SLC38A11: variants seen among roughly 807,000 people sequenced by gnomAD.
The protein encoded by SLC38A11 is solute carrier family 38 member 11.
SLC38A11 carries 51 observed loss-of-function variants against 49.4 expected under a neutral mutation model. The ratio of observed to expected loss-of-function variants is 1.03; its 90% CI spans 0.83 to 1.30. The LOEUF is 1.30. Among genes scored for constraint, SLC38A11 ranks in the 50% most tolerant of loss-of-function variants. The pLI, the probability that SLC38A11 is intolerant of heterozygous loss-of-function variation, is 0.00. For missense variants in SLC38A11, 574 were observed against 556.2 expected (o/e 1.03, Z -0.32); for synonymous variants, 203 against 192.9 (o/e 1.05, Z -0.43).
At chr2:164,911,011 C>A (rs1156763519) in intron 10 of SLC38A11, among the ~76,000 whole-genome samples, 1 of 151,356 alleles carries the variant, frequency 6.6e-6, no homozygotes, top group Non-Finnish European at 1.5e-5. Context: ...AAATAATATC[C>A]TATATATTTG....
At chr2:164,937,225 T>C in intron 7 of SLC38A11, 125 bp downstream of exon 7, 1 of 676,464 alleles carries the variant, frequency 1.5e-6, no homozygotes, top group Non-Finnish European at 2.5e-6. Context: ...CCTCATTTTG[T>C]CAAATACCAA....
In SLC38A11 at chr2:164,946,293, C is replaced by T. The variant is rs61510351; in HGVS notation, c.230-566G>A. Reference sequence around the variant, plus strand: ...TGTTGAAATTTACATTTTTGGCCGGCGCAGTGGCTCACGCTTGTAATCCCA... The same window carrying T: ...TGTTGAAATTTACATTTTTGGCCGGTGCAGTGGCTCACGCTTGTAATCCCA... On this transcript the variant is annotated intron_variant, in intron 3 of 11. Transcript: ENST00000685975. Among the ~76,000 whole-genome samples, 717 of 152,110 alleles carry T rather than the reference C, an allele frequency of 4.7e-3. 8 individuals are homozygous for T. The highest frequency in any genetic ancestry group is 0.016 in the African/African-American group (665 of 41,492).
chr2:164,932,454 T>C (rs1270023631), intron 7 of SLC38A11, among the ~76,000 whole-genome samples: 1 of 151,612 alleles, frequency 6.6e-6, no homozygotes, highest in Admixed American at 6.6e-5. Flanking sequence ...TAAAAACATG[T>C]AAATGGTCAC....
chr2:164,917,091 T>A (rs1038901311), intron 7 of SLC38A11, among the ~76,000 whole-genome samples: 2 of 152,100 alleles, frequency 1.3e-5, no homozygotes, highest in African/African-American at 4.8e-5. Context: ...GCATTATTAA[T>A]AAAGGCAGCA....
At chr2:164,920,329 G>T (rs1160511902) in intron 7 of SLC38A11, among the ~76,000 whole-genome samples, 1 of 150,786 alleles carries the variant, frequency 6.6e-6, no homozygotes, top group Non-Finnish European at 1.5e-5. Flanking sequence ...CTTTCCTAAG[G>T]CAGAAAATAT....
chr2:164,922,751 A>T (rs1295126349), intron 7 of SLC38A11, among the ~76,000 whole-genome samples: 1 of 152,216 alleles, frequency 6.6e-6, no homozygotes, highest in African/African-American at 2.4e-5. Flanking sequence ...GGAATGAGAA[A>T]AGCCCCATTA....
At chr2:164,916,680 C>T (rs1051670273) in intron 7 of SLC38A11, among the ~76,000 whole-genome samples, 1 of 152,052 alleles carries the variant, frequency 6.6e-6, no homozygotes, top group South Asian at 2.1e-4. Context: ...CTCAAATTCC[C>T]AACTGTAGAT....
chr2:164,931,806 A>G (rs1342243868), intron 7 of SLC38A11, among the ~76,000 whole-genome samples: 1 of 152,234 alleles, frequency 6.6e-6, no homozygotes, highest in Non-Finnish European at 1.5e-5. Context: ...GTAAAACTCA[A>G]AACTATAAAA....
chr2:164,946,584 A>T (rs1688126199), intron 3 of SLC38A11, among the ~76,000 whole-genome samples: 1 of 150,850 alleles, frequency 6.6e-6, no homozygotes, highest in Non-Finnish European at 1.5e-5. Context: ...AAAAAAAAAA[A>T]ATTTGCATTT....
chr2:164,898,807 A>C, intron 11 of SLC38A11, 77 bp from the exon 12 acceptor site: 1 of 1,432,422 alleles, frequency 7.0e-7, no homozygotes, highest in Non-Finnish European at 9.5e-7. Flanking sequence ...AAGCATTTAC[A>C]AAATGTGTTT....
At chr2:164,900,981 A>G (rs1684615054) in intron 11 of SLC38A11, among the ~76,000 whole-genome samples, 1 of 152,060 alleles carries the variant, frequency 6.6e-6, no homozygotes, top group African/African-American at 2.4e-5. Context: ...ATTTTTGTGT[A>G]TGGTGTAAGA....
chr2:164,898,585 A>G lies in SLC38A11; in HGVS notation c.1241T>C (p.Val414Ala). Residue 414 changes from valine to alanine, a missense_variant, in exon 12 of 12, where the codon GTC becomes GCC. Coordinates refer to ENST00000685975, the MANE Select transcript of SLC38A11 (RefSeq NM_001351537.2). ...IGAVVMVFGF[V>A]MAITNTQDCT... ...GTCTTGAGTATTTGTAATAGCCATG[A>G]CGAATCCAAAAACCATCACCACAGC... The G allele has an allele frequency of 1.2e-6, 2 of 1,613,654 alleles. No individual in the cohort carries two copies. The highest frequency in any genetic ancestry group is 1.7e-6 in the Non-Finnish European group (2 of 1,179,754).
chr2:164,924,620 A>G (rs1292912814), intron 7 of SLC38A11, among the ~76,000 whole-genome samples: 1 of 152,234 alleles, frequency 6.6e-6, no homozygotes, highest in African/African-American at 2.4e-5. Context: ...AATATTCATT[A>G]AACCAAAATA....
At chr2:164,944,491 A>T in intron 5 of SLC38A11, 78 bp downstream of exon 5, 1 of 587,964 alleles carries the variant, frequency 1.7e-6, no homozygotes, top group Non-Finnish European at 2.5e-6. Context: ...TTTTATTTAT[A>T]ATTATGAACC....
intron 11 of SLC38A11, among the ~76,000 whole-genome samples, chr2:164,901,405 T>A (rs1451154294): frequency 6.6e-6 from 1 of 152,168 alleles, no homozygotes; most frequent in East Asian, 1.9e-4. Flanking sequence ...TTTATTTATA[T>A]GTTCCATTTA....
intron 11 of SLC38A11, among the ~76,000 whole-genome samples, chr2:164,900,545 T>C (rs913895416): frequency 3.3e-5 from 5 of 152,162 alleles, no homozygotes; most frequent in Admixed American, 2.6e-4. Flanking sequence ...ATTTTCCTGA[T>C]GATTAATGAT....
At chr2:164,919,762 CATT>C (rs1686050211) in intron 7 of SLC38A11, among the ~76,000 whole-genome samples, 1 of 152,116 alleles carries the variant, frequency 6.6e-6, no homozygotes, top group African/African-American at 2.4e-5. Context: ...AAATTTGTAT[CATT>C]ATTGTCATAT....
chr2:164,903,867 G>T (rs1207200803), intron 11 of SLC38A11, among the ~76,000 whole-genome samples: 1 of 152,106 alleles, frequency 6.6e-6, no homozygotes, highest in Non-Finnish European at 1.5e-5. Flanking sequence ...AGTACAGATT[G>T]AAAAAGTGCC....
At chr2:164,902,115 A>G (rs1684694259) in intron 11 of SLC38A11, among the ~76,000 whole-genome samples, 1 of 140,628 alleles carries the variant, frequency 7.1e-6, no homozygotes, top group Admixed American at 7.6e-5. Context: ...TTCAGCTTTG[A>G]TCTCCCAAGC....
Sources: allele counts gnomAD v4.1 joint callset (sites outside exome capture counted in the v4.1 genomes callset), GRCh38; gene constraint gnomAD v4.1.1; transcripts MANE v1.5; gene names NCBI Gene and HGNC (gene_info 2026-07-23, HGNC 2026-07-21).